ANKS1B: variants seen among roughly 807,000 people sequenced by gnomAD.
The protein encoded by ANKS1B is ankyrin repeat and sterile alpha motif domain-containing protein 1B.
Under a neutral mutation model 148.3 loss-of-function variants are expected in ANKS1B, and 36 were observed. The ratio of observed to expected loss-of-function variants is 0.24; its 90% confidence interval spans 0.19 to 0.32. The LOEUF is 0.32. Ranked by LOEUF, ANKS1B falls within the 10% of genes least tolerant of loss-of-function variation. The pLI is 1.00. For missense variants in ANKS1B, 1,157 were observed against 1,542.6 expected (o/e 0.75, Z 4.19); for synonymous variants, 542 against 560.8 (o/e 0.97, Z 0.47).
At chr12:99,017,043 G>A (rs890157778) in intron 17 of ANKS1B, among the ~76,000 whole-genome samples, 2 of 152,138 alleles carry the variant, frequency 1.3e-5, no homozygotes, top group Non-Finnish European at 2.9e-5. Flanking sequence ...TTTGGACATT[G>A]TATTTGATGG....
chr12:99,176,773 T>C (rs2078442310), intron 14 of ANKS1B, among the ~76,000 whole-genome samples: 1 of 152,020 alleles, frequency 6.6e-6, no homozygotes, highest in African/African-American at 2.4e-5. Context: ...GATCCCATTT[T>C]CTCCGTGTGA....
intron 10 of ANKS1B, among the ~76,000 whole-genome samples, chr12:99,445,922 C>T (rs1383966216): frequency 6.6e-6 from 1 of 151,740 alleles, no homozygotes; most frequent in Non-Finnish European, 1.5e-5. Flanking sequence ...GGGGTTTCGC[C>T]ATATTGCTCA....
At chr12:99,125,389 A>C (rs183369058) in intron 15 of ANKS1B, among the ~76,000 whole-genome samples, 143 of 152,290 alleles carry the variant, frequency 9.4e-4, no homozygotes, top group African/African-American at 3.3e-3. Flanking sequence ...TTAATAATTC[A>C]CGTTCAATGC....
At chr12:99,579,285 C>A (rs1315966899) in intron 9 of ANKS1B, among the ~76,000 whole-genome samples, 1 of 152,038 alleles carries the variant, frequency 6.6e-6, no homozygotes, top group Non-Finnish European at 1.5e-5. Context: ...GGACATAGGT[C>A]TGGGCAAAGA....
intron 17 of ANKS1B, among the ~76,000 whole-genome samples, chr12:98,942,745 T>G (rs1352032644): frequency 6.6e-6 from 1 of 152,244 alleles, no homozygotes; most frequent in Non-Finnish European, 1.5e-5. Flanking sequence ...GGAATGATTA[T>G]GCATCAAACA....
At chr12:99,921,122 C>T (rs1347299832) in intron 1 of ANKS1B, among the ~76,000 whole-genome samples, 2 of 152,086 alleles carry the variant, frequency 1.3e-5, no homozygotes, top group African/African-American at 4.8e-5. Context: ...TGCATCCCCA[C>T]CCAAATCTCA....
chr12:98,773,245 A>G, intron 24 of ANKS1B, 66 bp from the exon 25 acceptor site: 2 of 1,516,636 alleles, frequency 1.3e-6, no homozygotes, highest in Non-Finnish European at 1.8e-6. Flanking sequence ...CAACCAAGAC[A>G]AGTAACCCAG....
At chr12:98,787,676 T>C (rs1015425868) in intron 22 of ANKS1B, among the ~76,000 whole-genome samples, 25 of 151,824 alleles carry the variant, frequency 1.6e-4, no homozygotes, top group South Asian at 6.2e-4. Flanking sequence ...TCCCAGCACG[T>C]AGGGAGGCTG....
At chr12:99,025,141 G>A (rs2099948023) in intron 17 of ANKS1B, among the ~76,000 whole-genome samples, 1 of 152,086 alleles carries the variant, frequency 6.6e-6, no homozygotes, top group Admixed American at 6.6e-5. Flanking sequence ...CCCCTGTGCT[G>A]CACCTGATTA....
At chr12:99,176,650 C>T (rs1254839711) in intron 14 of ANKS1B, among the ~76,000 whole-genome samples, 1 of 152,118 alleles carries the variant, frequency 6.6e-6, no homozygotes, top group Non-Finnish European at 1.5e-5. Context: ...GGGCAGATCC[C>T]TCATGAATGG....
intron 12 of ANKS1B, among the ~76,000 whole-genome samples, chr12:99,338,938 C>T (rs750578470): frequency 1.3e-5 from 2 of 152,106 alleles, no homozygotes; most frequent in Non-Finnish European, 2.9e-5. Context: ...TCTCCCATCT[C>T]GTCTCCTAAA....
chr12:99,259,118 C>T lies in ANKS1B; in HGVS notation c.1757-12254G>A, dbSNP rs148128529. Among the ~76,000 whole-genome samples the T allele has an allele frequency of 8.4e-4, 128 of 152,254 alleles. 4 individuals carry two copies. The South Asian group carries it at 0.021, about 25-fold the overall frequency. ...CCGGCTTTTTTCCGATACATCACGA[C>T]GCTTTGTGTCGGATTACCCTAGAAC... On this transcript the variant is annotated intron_variant, in intron 12 of 26. Coordinates refer to ENST00000683438, the MANE Select transcript of ANKS1B (RefSeq NM_001352186.2).
At chr12:99,917,932 T>G (rs1167222326) in intron 1 of ANKS1B, among the ~76,000 whole-genome samples, 1 of 152,236 alleles carries the variant, frequency 6.6e-6, no homozygotes, top group Non-Finnish European at 1.5e-5. Flanking sequence ...CGCTGTCTCT[T>G]GACAGATCAG....
intron 1 of ANKS1B, among the ~76,000 whole-genome samples, chr12:99,852,242 A>G (rs2088005634): frequency 1.3e-5 from 2 of 152,234 alleles, no homozygotes; most frequent in African/African-American, 4.8e-5. Context: ...CCAAGTGACC[A>G]AAATAATGTA....
intron 15 of ANKS1B, among the ~76,000 whole-genome samples, chr12:99,113,952 G>C (rs17029077): frequency 0.044 from 6,767 of 152,120 alleles, 305 homozygotes; most frequent in African/African-American, 0.1. Flanking sequence ...ATATACTCTA[G>C]GTTTTAGCTT....
chr12:98,862,981 A>AT (rs1438791089), intron 17 of ANKS1B, among the ~76,000 whole-genome samples: 8 of 152,206 alleles, frequency 5.3e-5, no homozygotes, highest in African/African-American at 1.9e-4. Flanking sequence ...GAAAACCAAC[A>AT]GATCATTCTA....
intron 9 of ANKS1B, among the ~76,000 whole-genome samples, chr12:99,570,018 C>T (rs1009171189): frequency 1.3e-5 from 2 of 152,180 alleles, no homozygotes; most frequent in Admixed American, 6.5e-5. Context: ...TCACCAACCA[C>T]TCCCCACAAG....
In ANKS1B at chr12:99,579,656, C is replaced by A. The variant is rs187660962; in HGVS notation, c.1273-75015G>T. On this transcript the variant is annotated intron_variant, in intron 9 of 26. Transcript: ENST00000683438. ...AATCAAAACCACACTGAAATACAACCTCATATCAGTCAGAATGACTATTAT... is the reference window on the plus strand; with the variant it reads ...AATCAAAACCACACTGAAATACAACATCATATCAGTCAGAATGACTATTAT... 2.5e-3 allele frequency among the ~76,000 whole-genome samples: 387 copies of A among 152,204 alleles called. 2 individuals carry two copies. Among genetic ancestry groups the A allele is most frequent in the Middle Eastern group, 0.017 (5 of 294 alleles).
chr12:99,864,062 A>G (rs1027316494), intron 1 of ANKS1B, among the ~76,000 whole-genome samples: 2 of 142,518 alleles, frequency 1.4e-5, no homozygotes, highest in Non-Finnish European at 3.0e-5. Context: ...GCCTGGCAAC[A>G]GAGCGAGACT....
Sources: allele counts gnomAD v4.1 joint callset (sites outside exome capture counted in the v4.1 genomes callset), GRCh38; gene constraint gnomAD v4.1.1; transcripts MANE v1.5; gene names NCBI Gene and HGNC (gene_info 2026-07-23, HGNC 2026-07-21).